Variants in PDE4B observed in about 807,000 individuals in gnomAD.
PDE4B encodes 3',5'-cyclic-AMP phosphodiesterase 4B.
A neutral mutation model predicts 82.2 loss-of-function variants in PDE4B; 20 were observed. The ratio of observed to expected loss-of-function variants is 0.24; its 90% CI spans 0.17 to 0.35. The LOEUF (loss-of-function observed/expected upper bound fraction) is 0.35. Among genes scored for constraint, PDE4B ranks in the 10% least tolerant of loss-of-function variants. The probability of loss-of-function intolerance (pLI) is 1.00; values close to 1 mark genes in which losing one functional copy is unlikely to be tolerated. For missense variants in PDE4B, 655 were observed against 907.2 expected (o/e 0.72, Z 3.57); for synonymous variants, 320 against 318.9 (o/e 1.00, Z -0.04).
chr1:66,218,497 C>T (rs1414267643), intron 3 of PDE4B, among the ~76,000 whole-genome samples: 2 of 152,122 alleles, frequency 1.3e-5, no homozygotes, highest in Non-Finnish European at 2.9e-5. Context: ...GCTGACAGCT[C>T]GTCTCTCATG....
intron 3 of PDE4B, among the ~76,000 whole-genome samples, chr1:66,177,196 T>C (rs776807732): frequency 1.1e-4 from 16 of 152,236 alleles, no homozygotes; most frequent in Non-Finnish European, 2.9e-5. Context: ...CAGAGAAAGA[T>C]AAAACCTACA....
intron 3 of PDE4B, among the ~76,000 whole-genome samples, chr1:66,049,406 T>TTTAATA (rs1654895970): frequency 2.0e-5 from 3 of 152,000 alleles, no homozygotes; most frequent in African/African-American, 7.2e-5. Context: ...TATTGCCAGC[T>TTTAATA]GATGGGCTTT....
intron 1 of PDE4B, among the ~76,000 whole-genome samples, chr1:65,811,506 A>C (rs1463476659): frequency 6.6e-6 from 1 of 152,238 alleles, no homozygotes; most frequent in Non-Finnish European, 1.5e-5. Flanking sequence ...TTTTAAATAA[A>C]ATAGAGCTGA....
intron 1 of PDE4B, among the ~76,000 whole-genome samples, chr1:65,879,876 T>C (rs12088840): frequency 1.1e-3 from 174 of 152,350 alleles, no homozygotes; most frequent in African/African-American, 4.0e-3. Flanking sequence ...TCTCATTGTT[T>C]GCACAGACCA....
chr1:65,882,655 T>TG (rs1164852895), intron 1 of PDE4B, among the ~76,000 whole-genome samples: 1 of 145,008 alleles, frequency 6.9e-6, no homozygotes, highest in East Asian at 2.0e-4. Flanking sequence ...AGAATTTTCT[T>TG]GTTTATGGCA....
At chr1:66,348,776 T>C (rs1661601928) in intron 8 of PDE4B, among the ~76,000 whole-genome samples, 1 of 151,580 alleles carries the variant, frequency 6.6e-6, no homozygotes, top group Non-Finnish European at 1.5e-5. Flanking sequence ...TGTGGAAACA[T>C]AATATAGTTT....
intron 3 of PDE4B, among the ~76,000 whole-genome samples, chr1:66,224,665 G>A (rs766666903): frequency 2.0e-5 from 3 of 152,186 alleles, no homozygotes; most frequent in Non-Finnish European, 4.4e-5. Flanking sequence ...GTTGCAGTGA[G>A]CCGAGATTGT....
chr1:66,168,735 A>G (rs891146913), intron 3 of PDE4B, among the ~76,000 whole-genome samples: 7 of 152,234 alleles, frequency 4.6e-5, no homozygotes, highest in African/African-American at 1.7e-4. Context: ...GTTATCTTAG[A>G]TGCTATTTTG....
chr1:66,102,235 T>C (rs991570844), intron 3 of PDE4B, among the ~76,000 whole-genome samples: 1 of 152,062 alleles, frequency 6.6e-6, no homozygotes, highest in African/African-American at 2.4e-5. Context: ...GGGTTTGTTT[T>C]TGTTTTTAAG....
At chr1:65,819,638 T>A (rs1557763083) in intron 1 of PDE4B, among the ~76,000 whole-genome samples, 2 of 151,872 alleles carry the variant, frequency 1.3e-5, no homozygotes, top group Non-Finnish European at 2.9e-5. Flanking sequence ...TAGCTGGGAC[T>A]ATAGGCGCCC....
intron 3 of PDE4B, among the ~76,000 whole-genome samples, chr1:66,003,995 A>G (rs898454165): frequency 6.6e-6 from 1 of 152,198 alleles, no homozygotes; most frequent in Non-Finnish European, 1.5e-5. Flanking sequence ...GCCAGGTGAT[A>G]TGATGCAAAA....
At chr1:66,138,614 G>C (rs1646108194) in intron 3 of PDE4B, among the ~76,000 whole-genome samples, 1 of 152,166 alleles carries the variant, frequency 6.6e-6, no homozygotes, top group African/African-American at 2.4e-5. Flanking sequence ...AGAGATGTCA[G>C]ATGGACTAGA....
At chr1:66,167,031 G>T (rs1646747414) in intron 3 of PDE4B, among the ~76,000 whole-genome samples, 1 of 152,162 alleles carries the variant, frequency 6.6e-6, no homozygotes, top group African/African-American at 2.4e-5. Flanking sequence ...GGATGGCTAT[G>T]GTCAATAAGA....
At chr1:66,344,945 G>C (rs543629840) in intron 8 of PDE4B, among the ~76,000 whole-genome samples, 1 of 152,326 alleles carries the variant, frequency 6.6e-6, no homozygotes, top group South Asian at 2.1e-4. Flanking sequence ...GCATTAAATA[G>C]CGTTATTCTC....
chr1:66,196,726 G>A (rs950306497), intron 3 of PDE4B, among the ~76,000 whole-genome samples: 2 of 146,952 alleles, frequency 1.4e-5, no homozygotes, highest in Admixed American at 1.4e-4. Flanking sequence ...ACCAAACACC[G>A]CATATTCTCA....
chr1:65,895,292 G>A (rs545038106), intron 1 of PDE4B, among the ~76,000 whole-genome samples: 22 of 152,174 alleles, frequency 1.4e-4, no homozygotes, highest in Non-Finnish European at 3.1e-4. Context: ...GCTCACACCT[G>A]TAATACCAGC....
At position 66,185,483 on chromosome 1, in the gene PDE4B, C is replaced by T. The variant is rs537543229; in HGVS notation, c.282-61977C>T. On this transcript the variant is annotated intron_variant, in intron 3 of 16. Transcript: ENST00000341517. ...CAGTGTAAAAGTGTTCCTATTTCTCCACATCCTCTCCAGCACCTGTTGTTT... is the reference window on the plus strand; with the variant it reads ...CAGTGTAAAAGTGTTCCTATTTCTCTACATCCTCTCCAGCACCTGTTGTTT... Among the ~76,000 whole-genome samples, 1,288 of 152,026 alleles carry T rather than the reference C, an allele frequency of 8.5e-3. 14 individuals carry two copies. Among genetic ancestry groups the T allele is most frequent in the African/African-American group, 0.029 (1,217 of 41,476 alleles).
In PDE4B at chr1:66,133,169, G is replaced by A. The variant is rs369505301; in HGVS notation, c.282-114291G>A. Among the ~76,000 whole-genome samples the A allele has an allele frequency of 3.3e-5, 5 of 152,244 alleles. 1 individual carries two copies. The East Asian group carries it at 5.8e-4, about 18-fold the overall frequency. On this transcript the variant is annotated intron_variant, in intron 3 of 16. Coordinates refer to ENST00000341517, the MANE Select transcript of PDE4B (RefSeq NM_002600.4). ...AGGACTCAGATACAGAAGCAGGAAG[G>A]TTGCCTCTGTTTTTTTCAGTGAGTG...
At chr1:66,132,426 G>A (rs1239084787) in intron 3 of PDE4B, among the ~76,000 whole-genome samples, 1 of 152,084 alleles carries the variant, frequency 6.6e-6, no homozygotes, top group African/African-American at 2.4e-5. Context: ...TAGGATTGGC[G>A]ACTCATGTTC....
Sources: gnomAD v4.1 joint callset for allele counts (sites outside exome capture counted in the v4.1 genomes callset) on GRCh38, gnomAD v4.1.1 for gene constraint, MANE v1.5 for transcripts, NCBI Gene and HGNC (gene_info 2026-07-23, HGNC 2026-07-21) for gene names.